TMEM177: variants seen among roughly 807,000 people sequenced by gnomAD.
TMEM177 encodes the protein transmembrane protein 177.
A neutral mutation model predicts 14.2 loss-of-function variants in TMEM177; 4 were observed. The ratio of observed to expected loss-of-function variants is 0.28; its 90% CI spans 0.14 to 0.64. The LOEUF (loss-of-function observed/expected upper bound fraction) is 0.64. Ranked by LOEUF, TMEM177 falls within the 30% of genes least tolerant of loss-of-function variation. The probability of loss-of-function intolerance (pLI) is 0.82; values close to 1 mark genes in which losing one functional copy is unlikely to be tolerated. For missense variants in TMEM177, 344 were observed against 405.2 expected (o/e 0.85, Z 1.30); for synonymous variants, 179 against 174.5 (o/e 1.03, Z -0.20).
At chr2:119,717,638 TTGC>T in the TMEM177 span, among the ~76,000 whole-genome samples, 1 of 138,122 alleles carries the variant, frequency 7.2e-6, no homozygotes, top group Non-Finnish European at 1.5e-5. Flanking sequence ...AGACAGAGTC[TTGC>T]TCTGTCACCC....
the TMEM177 span, among the ~76,000 whole-genome samples, chr2:119,723,495 C>A: frequency 2.6e-5 from 4 of 152,186 alleles, no homozygotes; most frequent in African/African-American, 9.7e-5. Flanking sequence ...TCCGCCTTTT[C>A]AATGCAGGTT....
chr2:119,699,441 A>C, the TMEM177 span, among the ~76,000 whole-genome samples: 2 of 152,170 alleles, frequency 1.3e-5, no homozygotes, highest in Non-Finnish European at 2.9e-5. Context: ...TCTTTGTCCC[A>C]CAGCTACGAA....
chr2:119,711,732 C>T, the TMEM177 span, among the ~76,000 whole-genome samples: 17 of 152,254 alleles, frequency 1.1e-4, no homozygotes, highest in African/African-American at 3.4e-4. Context: ...CTCGACAAGG[C>T]GCTGGGGAAA....
At chr2:119,694,565 G>C in the TMEM177 span, among the ~76,000 whole-genome samples, 12 of 152,246 alleles carry the variant, frequency 7.9e-5, no homozygotes, top group African/African-American at 2.7e-4. Flanking sequence ...CAACAGTGCT[G>C]TTGGCCGGGC....
chr2:119,694,657 G>A, the TMEM177 span, among the ~76,000 whole-genome samples: 3 of 152,230 alleles, frequency 2.0e-5, no homozygotes, highest in African/African-American at 7.2e-5. Flanking sequence ...CATATGCGCA[G>A]GGTCACTTCC....
At chr2:119,692,671 C>T in the TMEM177 span, among the ~76,000 whole-genome samples, 3 of 152,328 alleles carry the variant, frequency 2.0e-5, no homozygotes, top group African/African-American at 4.8e-5. Context: ...CACCATGAAT[C>T]CTTTAGAGAA....
the TMEM177 span, among the ~76,000 whole-genome samples, chr2:119,692,969 C>CA: frequency 1.9e-3 from 97 of 52,200 alleles, 9 homozygotes; most frequent in African/African-American, 2.2e-3. Flanking sequence ...GAGATTGTCT[C>CA]AAAAAAAAAA....
chr2:119,691,815 G>A, the TMEM177 span, among the ~76,000 whole-genome samples: 1 of 152,210 alleles, frequency 6.6e-6, no homozygotes, highest in Admixed American at 6.5e-5. Flanking sequence ...GTCCCCTCTG[G>A]ATTAGGCTCC....
At chr2:119,699,838 A>G in the TMEM177 span, 2 of 396,270 alleles carry the variant, frequency 5.0e-6, no homozygotes, top group African/African-American at 2.1e-5. Flanking sequence ...GTGAGGCTGG[A>G]CACAAGGTCA....
At chr2:119,716,813 C>T in the TMEM177 span, among the ~76,000 whole-genome samples, 1,858 of 152,316 alleles carry the variant, frequency 0.012, 34 homozygotes, top group African/African-American at 0.041. Context: ...CCTATGTCTA[C>T]TCAATGGGTA....
At chr2:119,711,472 C>T in the TMEM177 span, among the ~76,000 whole-genome samples, 8 of 152,242 alleles carry the variant, frequency 5.3e-5, no homozygotes, top group Middle Eastern at 0.017. Context: ...GTCAATAAAA[C>T]GAGGAAGAGA....
chr2:119,723,506 G>A, the TMEM177 span, among the ~76,000 whole-genome samples: 2 of 152,192 alleles, frequency 1.3e-5, no homozygotes, highest in Admixed American at 6.5e-5. Context: ...AATGCAGGTT[G>A]TCACTTGGGT....
At chr2:119,686,899 A>C (rs116590962), downstream of TMEM177, among the ~76,000 whole-genome samples, 2,135 of 152,234 alleles carry the variant, frequency 0.014, 22 homozygotes, top group Non-Finnish European at 0.021. Flanking sequence ...CTAAAGCATT[A>C]AGTGTTAGTA....
chr2:119,715,064 G>A, the TMEM177 span, among the ~76,000 whole-genome samples: 1 of 152,116 alleles, frequency 6.6e-6, no homozygotes, highest in Non-Finnish European at 1.5e-5. Flanking sequence ...AAGCATGGAG[G>A]CTCTTATCAC....
the TMEM177 span, among the ~76,000 whole-genome samples, chr2:119,705,908 T>G: frequency 2.0e-5 from 3 of 150,872 alleles, no homozygotes; most frequent in African/African-American, 7.3e-5. Context: ...TACTTGCATT[T>G]TTACCATGAC....
chr2:119,700,415 G>A, the TMEM177 span, among the ~76,000 whole-genome samples: 2,584 of 152,192 alleles, frequency 0.017, 62 homozygotes, highest in African/African-American at 0.059. Context: ...TTAAAGCAAC[G>A]GTCAACTCGA....
At chr2:119,715,975 A>T in the TMEM177 span, among the ~76,000 whole-genome samples, 1 of 152,212 alleles carries the variant, frequency 6.6e-6, no homozygotes, top group Admixed American at 6.5e-5. Context: ...GACACACTTT[A>T]CCCACACCCA....
chr2:119,680,805 G>T (rs369775296), intron 1 of TMEM177, 27 bp from the exon 2 acceptor site: 14 of 1,567,362 alleles, frequency 8.9e-6, no homozygotes, highest in Non-Finnish European at 1.2e-5. Flanking sequence ...CAGGGAAACT[G>T]GCTGACTTCT....
chr2:119,708,624 C>T, the TMEM177 span, among the ~76,000 whole-genome samples: 1 of 150,414 alleles, frequency 6.6e-6, no homozygotes, highest in African/African-American at 2.5e-5. Context: ...GCAGTCCTCC[C>T]CACTAGACAA....
Sources: gnomAD v4.1 joint callset for allele counts (sites outside exome capture counted in the v4.1 genomes callset) on GRCh38, gnomAD v4.1.1 for gene constraint, MANE v1.5 for transcripts, NCBI Gene and HGNC (gene_info 2026-07-23, HGNC 2026-07-21) for gene names.